MEAK7: variants seen among roughly 807,000 people sequenced by gnomAD.
The protein encoded by MEAK7 is MTOR associated protein MEAK7.
In MEAK7, 68 loss-of-function variants were observed where a neutral mutation model predicts 40.5. That is an observed-to-expected ratio of 1.68 (90% CI 1.38 to 2.06). The LOEUF is 2.06. Among genes scored for constraint, MEAK7 ranks in the 30% most tolerant of loss-of-function variants. The probability of loss-of-function intolerance (pLI) is 0.00; values close to 1 mark genes in which losing one functional copy is unlikely to be tolerated. For missense variants in MEAK7, 918 were observed against 580.5 expected, an observed-to-expected ratio of 1.58 and a Z score of -5.98; for synonymous variants, 338 against 231.9, an observed-to-expected ratio of 1.46 and a Z score of -4.16.
chr16:84,504,510 C>T, intron 1 of MEAK7, 91 bp downstream of exon 1: 1 of 824,944 alleles, frequency 1.2e-6, no homozygotes, highest in Admixed American at 6.2e-5. Flanking sequence ...AGGGCCCAGG[C>T]CTACTCTGGA....
In MEAK7 at chr16:84,486,726, T is replaced by C; in HGVS notation, c.863A>G (p.His288Arg). The change falls in exon 5 of 8, where the codon CAC (histidine) becomes CGC (arginine). Residue 288 changes from histidine to arginine, a missense_variant. By Grantham distance (29) the His-to-Arg change is conservative. Transcript: ENST00000343629. ...SFSQLCGHIT[H>R]RGPCVAVLED... is the part of the protein sequence containing the mutation. The stretch of plus-strand genomic sequence containing the variant: ...GAGGACAGCCACACAGGGTCCCCGG[T>C]GAGTGATGTGGCCACAGAGCTGGGA... 6.2e-7 allele frequency: 1 copy of C among 1,613,808 alleles called. No homozygotes were observed.
In MEAK7 at chr16:84,497,932, G is replaced by C. The variant is rs1342464798; in HGVS notation, c.153+2C>G. ...ACATGAACCACGGGTTGTTACTCTT[G>C]CCTGTAGTGCCTTCAGAGAGAAGGA... On this transcript the variant is annotated splice_donor_variant, in intron 2 of 7. Transcript: ENST00000343629. LOFTEE classifies it high-confidence loss of function. 2 of 1,614,156 alleles carry C rather than the reference G, an allele frequency of 1.2e-6. No homozygotes were observed. Among genetic ancestry groups the C allele is most frequent in the African/African-American group, 1.3e-5 (1 of 75,044 alleles).
chr16:84,497,712 T>C (rs1914169366), intron 2 of MEAK7: 1 of 1,420,224 alleles, frequency 7.0e-7, no homozygotes, highest in Non-Finnish European at 9.5e-7. Context: ...ACACTGTCTA[T>C]GGCTATTTTC....
chr16:84,484,197 C>T (rs752370231), intron 5 of MEAK7, among the ~76,000 whole-genome samples: 1 of 152,206 alleles, frequency 6.6e-6, no homozygotes, highest in African/African-American at 2.4e-5. Context: ...GGCTGTTCTC[C>T]ATAGGGAAAG....
chr16:84,485,595 A>C (rs949181539), intron 5 of MEAK7, among the ~76,000 whole-genome samples: 2 of 152,228 alleles, frequency 1.3e-5, no homozygotes, highest in Non-Finnish European at 2.9e-5. Context: ...AGGACAGCCC[A>C]CTGATGGGCG....
In MEAK7 at chr16:84,480,706, A is replaced by T; in HGVS notation, c.1080T>A (p.Gly360=). 6.2e-7 allele frequency: 1 copy of T among 1,609,644 alleles called. No homozygotes were observed. Among genetic ancestry groups the T allele is most frequent in the South Asian group, 1.1e-5 (1 of 90,400 alleles). ...HGQQTIPNGL[G]MGGQHNYFGL... ...CAAAGTAATTGTGCTGCCCCCCCATACCCTGCAAAGGAAGCCAGGACAGAG... is the reference window on the plus strand; with the variant it reads ...CAAAGTAATTGTGCTGCCCCCCCATTCCCTGCAAAGGAAGCCAGGACAGAG... The change falls in exon 7 of 8, where the codon GGT becomes GGA. Residue 360 remains glycine, a splice_region_variant and synonymous_variant. Transcript: ENST00000343629.
intron 3 of MEAK7, among the ~76,000 whole-genome samples, chr16:84,490,492 T>A (rs904944147): frequency 7.1e-6 from 1 of 141,662 alleles, no homozygotes; most frequent in Admixed American, 7.2e-5. Context: ...CTCAACAGCC[T>A]GAGTTTGGTT....
rs765381153 is a variant in MEAK7, at chr16:84,489,382, C to A, written c.425G>T (p.Ser142Ile). The A allele has an allele frequency of 1.2e-6, 2 of 1,614,082 alleles. No homozygotes were observed. Among genetic ancestry groups the A allele is most frequent in the East Asian group, 4.5e-5 (2 of 44,860 alleles). ...CCAGCCTCTCAGCTCCTGTCTGTGGCTTAGCACGTGCACCACAGAGCCAAC... is the reference window on the plus strand; with the variant it reads ...CCAGCCTCTCAGCTCCTGTCTGTGGATTAGCACGTGCACCACAGAGCCAAC... ...DLVGSVVHVL[S>I]HRQELRGWTG... is the part of the protein sequence containing the mutation. Residue 142 changes from serine (S) to isoleucine (I), a missense_variant, in exon 4 of 8, where the codon AGC (serine) becomes ATC (isoleucine). Coordinates refer to ENST00000343629, the MANE Select transcript of MEAK7 (RefSeq NM_020947.4).
chr16:84,484,157 G>A (rs187006106), intron 5 of MEAK7, among the ~76,000 whole-genome samples: 34 of 152,346 alleles, frequency 2.2e-4, no homozygotes, highest in East Asian at 1.2e-3. Context: ...CCTCAGCTGC[G>A]ATAGGCCCAG....
At chr16:84,491,011 A>G (rs1234155888) in intron 3 of MEAK7, among the ~76,000 whole-genome samples, 1 of 152,210 alleles carries the variant, frequency 6.6e-6, no homozygotes, top group Non-Finnish European at 1.5e-5. Context: ...ATTTTTGTCT[A>G]AAAAAGTTAT....
At chr16:84,497,805 C>T in intron 2 of MEAK7, 129 bp downstream of exon 2, 6 of 1,446,342 alleles carry the variant, frequency 4.1e-6, no homozygotes, top group Non-Finnish European at 5.7e-6. Flanking sequence ...TGGCCCTTTA[C>T]AGAAAACCAA....
chr16:84,481,389 C>T (rs895120896), intron 6 of MEAK7, among the ~76,000 whole-genome samples: 4 of 152,208 alleles, frequency 2.6e-5, no homozygotes, highest in African/African-American at 2.4e-5. Flanking sequence ...CACGCGGAGC[C>T]GCTCTCTCAG....
intron 1 of MEAK7, among the ~76,000 whole-genome samples, chr16:84,503,205 G>A (rs532424546): frequency 0.051 from 296 of 5,852 alleles, no homozygotes; most frequent in Admixed American, 0.066. Context: ...TACATATATG[G>A]TAAAAAAAAA....
rs575649162 is a variant in MEAK7, at chr16:84,480,790, G to A, written c.1078-82C>T. ...ATCAAATACCACAAGCCAGCCTCTCGCCTTAAGTACCAGCCTGAGACAGGG... is the reference window on the plus strand; with the variant it reads ...ATCAAATACCACAAGCCAGCCTCTCACCTTAAGTACCAGCCTGAGACAGGG... On this transcript the variant is annotated intron_variant, in intron 6 of 7. Coordinates refer to ENST00000343629, the MANE Select transcript of MEAK7 (RefSeq NM_020947.4). The A allele has an allele frequency of 3.4e-6, 5 of 1,462,026 alleles. No individual in the cohort carries two copies. The African/African-American group carries it at 4.3e-5, about 13-fold the overall frequency. 90.6% of individuals were successfully genotyped at this position (1,462,026 alleles called of 1,614,324 possible).
intron 1 of MEAK7, among the ~76,000 whole-genome samples, chr16:84,500,217 G>A (rs1296901149): frequency 6.6e-6 from 1 of 152,116 alleles, no homozygotes; most frequent in Admixed American, 6.5e-5. Context: ...ATCATTAGCT[G>A]AAGGACACTG....
intron 1 of MEAK7, among the ~76,000 whole-genome samples, chr16:84,498,822 G>A (rs1332613574): frequency 2.0e-5 from 3 of 152,174 alleles, no homozygotes; most frequent in Admixed American, 2.0e-4. Context: ...ACCTGTATTT[G>A]AATAAACTCA....
intron 7 of MEAK7, 88 bp downstream of exon 7, chr16:84,480,441 G>A: frequency 6.3e-6 from 9 of 1,427,552 alleles, no homozygotes; most frequent in Non-Finnish European, 8.5e-6. Flanking sequence ...TCTGCAGACA[G>A]AAGAGTAAAG....
intron 5 of MEAK7, among the ~76,000 whole-genome samples, chr16:84,483,702 TG>T (rs377198069): frequency 3.3e-5 from 5 of 152,012 alleles, no homozygotes; most frequent in African/African-American, 1.2e-4. Flanking sequence ...GAAAGATCGC[TG>T]GGGGGCCTCT....
chr16:84,483,516 G>C (rs1027403779), intron 5 of MEAK7, among the ~76,000 whole-genome samples: 2 of 152,216 alleles, frequency 1.3e-5, no homozygotes, highest in African/African-American at 4.8e-5. Flanking sequence ...ATTTGGGGTT[G>C]GGCTATTCAT....
Sources: allele counts gnomAD v4.1 joint callset (sites outside exome capture counted in the v4.1 genomes callset), GRCh38; gene constraint gnomAD v4.1.1; transcripts MANE v1.5; gene names NCBI Gene and HGNC (gene_info 2026-07-23, HGNC 2026-07-21).